Variants in ROCK1 observed in about 807,000 individuals in gnomAD.
The protein encoded by ROCK1 is Rho associated coiled-coil containing protein kinase 1, also known as rho-associated protein kinase 1.
A neutral mutation model predicts 196.8 loss-of-function variants in ROCK1; 36 were observed. That is an observed-to-expected ratio of 0.18 (90% CI 0.14 to 0.24). ROCK1 has a LOEUF of 0.24. Among genes scored for constraint, ROCK1 ranks in the 10% least tolerant of loss-of-function variants. The probability of loss-of-function intolerance (pLI) is 1.00; values close to 1 mark genes in which losing one functional copy is unlikely to be tolerated. For synonymous variants in ROCK1, 443 were observed against 515.9 expected, an observed-to-expected ratio of 0.86 and a Z score of 1.91; for missense variants, 920 against 1,562.0, an observed-to-expected ratio of 0.59 and a Z score of 6.93.
intron 13 of ROCK1, among the ~76,000 whole-genome samples, chr18:21,008,481 C>G (rs1413848078): frequency 6.6e-6 from 1 of 152,194 alleles, no homozygotes; most frequent in Non-Finnish European, 1.5e-5. Flanking sequence ...CCATGTTGGC[C>G]AGGCTGGTTT....
intron 1 of ROCK1, among the ~76,000 whole-genome samples, chr18:21,071,638 C>G (rs1475501220): frequency 6.6e-6 from 1 of 152,154 alleles, no homozygotes; most frequent in Admixed American, 6.5e-5. Flanking sequence ...GCAATCTTCA[C>G]TATAAAGTCT....
chr18:20,969,045 A>C, intron 24 of ROCK1, 70 bp downstream of exon 24: 1 of 1,080,468 alleles, frequency 9.3e-7, no homozygotes, highest in Non-Finnish European at 1.4e-6. Flanking sequence ...TTAGAAACCT[A>C]ACACAACATA....
intron 2 of ROCK1, among the ~76,000 whole-genome samples, 175 bp downstream of exon 2, chr18:21,070,357 G>A (rs1451435833): frequency 1.3e-5 from 2 of 151,846 alleles, no homozygotes; most frequent in Admixed American, 6.6e-5. Context: ...AAAATATTTT[G>A]GTTCTCCTAA....
chr18:21,044,031 T>C (rs2036134020), intron 6 of ROCK1, 71 bp downstream of exon 6: 1 of 916,556 alleles, frequency 1.1e-6, no homozygotes, highest in Admixed American at 2.0e-5. Flanking sequence ...TCTAAAGAAT[T>C]CTTAAACCAT....
chr18:21,006,875 G>C, intron 14 of ROCK1, 85 bp from the exon 15 acceptor site: 1 of 983,780 alleles, frequency 1.0e-6, no homozygotes, highest in Non-Finnish European at 1.5e-6. Context: ...AAGACATTTA[G>C]TCTTAGGCCA....
intron 27 of ROCK1, among the ~76,000 whole-genome samples, chr18:20,962,786 CAAT>C (rs894208195): frequency 2.0e-5 from 3 of 152,082 alleles, no homozygotes; most frequent in Non-Finnish European, 4.4e-5. Context: ...CAATTTACAA[CAAT>C]GTCATGGGAG....
At chr18:20,964,227 GT>G (rs1245278193) in intron 27 of ROCK1, among the ~76,000 whole-genome samples, 2 of 151,880 alleles carry the variant, frequency 1.3e-5, no homozygotes, top group Non-Finnish European at 2.9e-5. Flanking sequence ...TTTTTAGTAC[GT>G]ATATTCATTT....
intron 16 of ROCK1, 54 bp downstream of exon 16, chr18:21,006,297 G>A: frequency 7.1e-7 from 1 of 1,400,798 alleles, no homozygotes; most frequent in South Asian, 1.3e-5. Context: ...TGGTTAAAAT[G>A]TTATAATAAA....
chr18:21,021,922 A>C (rs1404741010), intron 11 of ROCK1, among the ~76,000 whole-genome samples: 1 of 152,218 alleles, frequency 6.6e-6, no homozygotes, highest in Non-Finnish European at 1.5e-5. Flanking sequence ...ATAACTTGCC[A>C]AACAGCTCTA....
chr18:21,007,083 ATTAT>A (rs761682092), intron 14 of ROCK1, among the ~76,000 whole-genome samples: 2 of 152,090 alleles, frequency 1.3e-5, no homozygotes, highest in East Asian at 1.9e-4. Flanking sequence ...TAGTTTTAAT[ATTAT>A]TTATTTTTCA....
chr18:21,018,231 G>A (rs150195674), intron 12 of ROCK1, among the ~76,000 whole-genome samples: 200 of 151,242 alleles, frequency 1.3e-3, no homozygotes, highest in South Asian at 3.1e-3. Context: ...TTTTAATTTT[G>A]TTTAAAAATT....
intron 17 of ROCK1, 117 bp downstream of exon 17, chr18:20,992,714 T>C: frequency 3.3e-6 from 2 of 611,428 alleles, no homozygotes; most frequent in Non-Finnish European, 5.5e-6. Flanking sequence ...ATAAAAACTT[T>C]TAGAAATGTA....
intron 16 of ROCK1, among the ~76,000 whole-genome samples, chr18:21,003,622 T>C (rs1251804724): frequency 2.6e-5 from 4 of 152,110 alleles, no homozygotes; most frequent in South Asian, 2.1e-4. Flanking sequence ...TGTCAGAGGA[T>C]TGGGAAGGGG....
intron 5 of ROCK1, 47 bp downstream of exon 5, chr18:21,045,245 C>T (rs774513631): frequency 1.7e-5 from 25 of 1,468,400 alleles, no homozygotes; most frequent in Non-Finnish European, 2.2e-5. Flanking sequence ...TTATTTTTAG[C>T]TATTTCCCTC....
At chr18:21,059,484 G>A (rs1029604982) in intron 2 of ROCK1, among the ~76,000 whole-genome samples, 6 of 152,134 alleles carry the variant, frequency 3.9e-5, no homozygotes, top group Admixed American at 1.3e-4. Flanking sequence ...ACTTGTGCTC[G>A]ATGCTACTGA....
intron 29 of ROCK1, among the ~76,000 whole-genome samples, chr18:20,956,203 G>C (rs1353498549): frequency 6.6e-6 from 1 of 151,934 alleles, no homozygotes; most frequent in Non-Finnish European, 1.5e-5. Context: ...GAGAAAGAGA[G>C]GGAAGGAGGG....
At position 21,050,612 on chromosome 18, in the gene ROCK1, CAT is replaced by C. The variant is rs896678306; in HGVS notation, c.176-734_176-733del. Among the ~76,000 whole-genome samples the C allele has an allele frequency of 1.4e-4, 21 of 152,158 alleles. 1 individual carries two copies. The highest frequency in any genetic ancestry group is 1.2e-3 in the Admixed American group (19 of 15,278). On this transcript the variant is annotated intron_variant, in intron 2 of 32. Transcript: ENST00000399799. ...CATGAGATTACATGGAAAAGCTTCA[CAT>C]TTCAGAGTTGTACAAAATACACAGC...
rs111603649 is a variant in ROCK1, at chr18:21,055,973, A to G, written c.176-6093T>C. ...GATATATCAGTGGCTTTAACACTTC[A>G]ATCACTCTCTCCTGATACACTTTCT... On this transcript the variant is annotated intron_variant, in intron 2 of 32. Coordinates refer to ENST00000399799, the MANE Select transcript of ROCK1 (RefSeq NM_005406.3). Among the ~76,000 whole-genome samples the G allele has an allele frequency of 9.8e-3, 1,486 of 152,282 alleles. 18 individuals are homozygous for G. Among genetic ancestry groups the G allele is most frequent in the African/African-American group, 0.034 (1,429 of 41,568 alleles).
intron 29 of ROCK1, among the ~76,000 whole-genome samples, chr18:20,958,182 C>G (rs1233634764): frequency 6.6e-6 from 1 of 151,964 alleles, no homozygotes; most frequent in Non-Finnish European, 1.5e-5. Flanking sequence ...TTCGCTTAAG[C>G]TGATAATTTA....
Sources: gnomAD v4.1 joint callset for allele counts (sites outside exome capture counted in the v4.1 genomes callset) on GRCh38, gnomAD v4.1.1 for gene constraint, MANE v1.5 for transcripts, NCBI Gene and HGNC (gene_info 2026-07-23, HGNC 2026-07-21) for gene names.